The following MGAM variants were observed in gnomAD, a reference collection of about 807,000 sequenced individuals.
MGAM encodes maltase-glucoamylase, also known as alpha-1,4-glucosidase.
In MGAM, 253 loss-of-function variants were observed where a neutral mutation model predicts 358.8. The observed-to-expected ratio is 0.71, with a 90% CI of 0.64 to 0.78. The LOEUF is 0.78. Ranked by LOEUF, MGAM falls within the 30% of genes least tolerant of loss-of-function variation. The pLI is 0.00. For missense variants in MGAM, 3,080 were observed against 3,432.6 expected (o/e 0.90, Z 2.57); for synonymous variants, 1,105 against 1,227.1 (o/e 0.90, Z 2.08).
intron 27 of MGAM, 37 bp from the exon 28 acceptor site, chr7:142,055,521 T>G: frequency 6.2e-7 from 1 of 1,613,224 alleles, no homozygotes; most frequent in African/African-American, 1.3e-5. Flanking sequence ...AGATAAAAGC[T>G]CATTTTCTGT....
At chr7:141,991,197 T>C (rs1803933036), upstream of MGAM, among the ~76,000 whole-genome samples, 1 of 152,212 alleles carries the variant, frequency 6.6e-6, no homozygotes, top group African/African-American at 2.4e-5. Flanking sequence ...ATGGAAATCA[T>C]TTAGCATAGA....
chr7:141,993,938 G>T (rs1300084656), upstream of MGAM, among the ~76,000 whole-genome samples: 2 of 152,102 alleles, frequency 1.3e-5, no homozygotes, highest in Non-Finnish European at 2.9e-5. Flanking sequence ...GATTTTCTTT[G>T]TATCTCAGCT....
intron 66 of MGAM, among the ~76,000 whole-genome samples, chr7:142,098,642 G>A (rs1397520629): frequency 6.6e-6 from 1 of 152,110 alleles, no homozygotes; most frequent in Non-Finnish European, 1.5e-5. Context: ...TGCCCTTAGG[G>A]TGGTAACATG....
In MGAM at chr7:142,105,857, A is replaced by G. The variant is rs1276339092; in HGVS notation, c.8228A>G (p.Asn2743Ser). 6.2e-7 allele frequency: 1 copy of G among 1,613,196 alleles called. No homozygotes were observed. Among genetic ancestry groups the G allele is most frequent in the Non-Finnish European group, 8.5e-7 (1 of 1,179,362 alleles). ...ACTGACAGAAACATCAGCCTACATAATTTTACTTCATTGACGTGGATAAGC... is the reference window on the plus strand; with the variant it reads ...ACTGACAGAAACATCAGCCTACATAGTTTTACTTCATTGACGTGGATAAGC... ...DVTDRNISLH[N>S]FTSLTWISTL Residue 2743 changes from asparagine to serine, a missense_variant, in exon 71 of 71, where the codon AAT (asparagine) becomes AGT (serine). By Grantham distance (46) the Asn-to-Ser change is conservative. Transcript: ENST00000475668.
chr7:142,054,913 G>C lies in MGAM; in HGVS notation c.3314+5G>C. 6.2e-7 allele frequency: 1 copy of C among 1,613,174 alleles called. No individual in the cohort carries two copies. Among genetic ancestry groups the C allele is most frequent in the Non-Finnish European group, 8.5e-7 (1 of 1,179,444 alleles). On this transcript the variant is annotated splice_donor_5th_base_variant and intron_variant, in intron 27 of 70. Coordinates refer to ENST00000475668, the MANE Select transcript of MGAM (RefSeq NM_001365693.1). ...GAAGAGTACAGGCACTATAATGTGAGTGGCTTCTAGTGTGACTCAGAGTTG... is the reference window on the plus strand; with the variant it reads ...GAAGAGTACAGGCACTATAATGTGACTGGCTTCTAGTGTGACTCAGAGTTG...
Position 142,062,794 on chromosome 7 carries a change from G to A in MGAM, c.4257+92G>A. 3.8e-6 allele frequency: 6 copies of A among 1,561,200 alleles called. No individual in the cohort carries two copies. The East Asian group carries it at 1.4e-4, about 35-fold the overall frequency. ...CCACTGACCTTCAATCAAGAGGATA[G>A]TCATTGTCCAAAGAAGACTTTGGAC... On this transcript the variant is annotated intron_variant, in intron 35 of 70. Coordinates refer to ENST00000475668, the MANE Select transcript of MGAM (RefSeq NM_001365693.1).
intron 14 of MGAM, among the ~76,000 whole-genome samples, chr7:142,033,858 A>G (rs1554464800): frequency 6.6e-6 from 1 of 152,188 alleles, no homozygotes; most frequent in Non-Finnish European, 1.5e-5. Context: ...AATACAGGAG[A>G]GACTGGAAAT....
At position 142,054,839 on chromosome 7, in the gene MGAM, T is replaced by A. The variant is rs1196166927; in HGVS notation, c.3245T>A (p.Leu1082His). Residue 1082 changes from leucine (L) to histidine (H), a missense_variant, in exon 27 of 71, where the codon CTC becomes CAC. By Grantham distance (99) the Leu-to-His change is moderately conservative (BLOSUM62 -3). Around this residue, in one of 5 missense-constraint regions of MGAM, gnomAD observed 1,816 missense variants for 1,840.5 expected, o/e 0.99. Transcript: ENST00000475668. The stretch of plus-strand genomic sequence containing the variant: ...CCATCCAGCACCCCTGAGGGTCAAC[T>A]CTATGATGTGCTCATTAAGAAGAAT... ...SMPSSTPEGQLYDVLIKKNPF... is the reference protein window; with the variant it reads ...SMPSSTPEGQHYDVLIKKNPF... 1.9e-6 allele frequency: 3 copies of A among 1,613,938 alleles called. No individual in the cohort carries two copies. The highest frequency in any genetic ancestry group is 2.5e-6 in the Non-Finnish European group (3 of 1,179,852).
At chr7:142,042,037 A>G (rs1203190530) in intron 21 of MGAM, among the ~76,000 whole-genome samples, 1 of 42,962 alleles carries the variant, frequency 2.3e-5, no homozygotes, top group Non-Finnish European at 3.6e-5. Context: ...TATATTATAT[A>G]CATATAATAT....
chr7:142,082,233 CT>C, intron 51 of MGAM, 23 bp downstream of exon 51: 1 of 1,546,062 alleles, frequency 6.5e-7, no homozygotes, highest in Non-Finnish European at 8.9e-7. Context: ...CATTTGAGAT[CT>C]GTGTCTCTGC....
At chr7:142,065,164 A>G (rs376305390) in intron 37 of MGAM, among the ~76,000 whole-genome samples, 171 bp from the exon 38 acceptor site, 7 of 152,246 alleles carry the variant, frequency 4.6e-5, no homozygotes, top group African/African-American at 1.4e-4. Context: ...CACGTGACTC[A>G]TTATCTCCAT....
intron 2 of MGAM, among the ~76,000 whole-genome samples, chr7:141,990,052 C>T (rs1803876717): frequency 6.6e-6 from 1 of 152,196 alleles, no homozygotes; most frequent in Admixed American, 6.5e-5. Flanking sequence ...TCATGTGGGT[C>T]TGGCTTTGAC....
chr7:141,994,065 G>A (rs1481116266), upstream of MGAM, among the ~76,000 whole-genome samples: 8 of 152,076 alleles, frequency 5.3e-5, no homozygotes, highest in Admixed American at 4.6e-4. Context: ...TAGTAGAGAC[G>A]CGGTTTCACC....
chr7:142,096,491 G>T, intron 65 of MGAM, 76 bp downstream of exon 65: 1 of 1,462,698 alleles, frequency 6.8e-7, no homozygotes, highest in Non-Finnish European at 9.6e-7. Flanking sequence ...GAAGAGGCCT[G>T]AGCTGGTGGG....
intron 53 of MGAM, among the ~76,000 whole-genome samples, chr7:142,083,788 A>G (rs1448990196): frequency 7.0e-6 from 1 of 142,494 alleles, no homozygotes; most frequent in African/African-American, 2.5e-5. Context: ...GATGGTGATG[A>G]TAGTGGTGGG....
chr7:142,029,206 A>C (rs1407838396), intron 10 of MGAM, among the ~76,000 whole-genome samples: 3 of 151,950 alleles, frequency 2.0e-5, no homozygotes, highest in Non-Finnish European at 4.4e-5. Flanking sequence ...ACAACAACAA[A>C]AAAATTAGCT....
In MGAM at chr7:142,066,674, A is replaced by T. The variant is rs113628704; in HGVS notation, c.4872A>T (p.Gln1624His). ...TLLPYLYTLM[Q>H]KAHTEGVTVV... ...TGCCATATCTGTATACCTTGATGCA[A>T]AAGGCCCACACGGAGGGCGTCACTG... Residue 1624 changes from glutamine to histidine, a missense_variant, in exon 41 of 71, where the codon CAA becomes CAT. Gln to His is a conservative substitution (Grantham distance 24, BLOSUM62 0). Coordinates refer to ENST00000475668, the MANE Select transcript of MGAM (RefSeq NM_001365693.1). 6,947 of 1,555,034 alleles carry T rather than the reference A, an allele frequency of 4.5e-3. 472 individuals are homozygous for T. In the African/African-American group the frequency reaches 0.078, roughly 17 times the overall value.
chr7:142,036,752 G>T, intron 17 of MGAM, 71 bp from the exon 18 acceptor site: 1 of 1,492,938 alleles, frequency 6.7e-7, no homozygotes. Flanking sequence ...AATGAATGAG[G>T]TCTGGAATTC....
chr7:142,026,975 A>C (rs7797443), intron 8 of MGAM, 140 bp from the exon 9 acceptor site: 27,853 of 614,818 alleles, frequency 0.045, 2,613 homozygotes, highest in African/African-American at 0.27. Context: ...CAGGGTTTTC[A>C]CTTGGTATTC....
Sources: gnomAD v4.1 joint callset for allele counts (sites outside exome capture counted in the v4.1 genomes callset) on GRCh38, gnomAD v4.1.1 for gene constraint, gnomAD v4.1.1 regional missense constraint, MANE v1.5 for transcripts, NCBI Gene and HGNC (gene_info 2026-07-23, HGNC 2026-07-21) for gene names.